Variants in DMD observed in about 807,000 individuals in gnomAD.
DMD encodes mutant dystrophin.
DMD carries 63 observed loss-of-function variants against 330.1 expected under a neutral mutation model. The observed-to-expected ratio is 0.19, with a 90% CI of 0.16 to 0.24. The LOEUF is 0.24. DMD is among the 10% of genes least tolerant of loss of function. The pLI, the probability that DMD is intolerant of heterozygous loss-of-function variation, is 1.00. For synonymous variants in DMD, 1,223 were observed against 959.8 expected (o/e 1.27, Z -5.07); for missense variants, 3,344 against 2,684.1 (o/e 1.25, Z -5.43).
intron 61 of DMD, among the ~76,000 whole-genome samples, chrX:31,331,597 G>T (rs2057127510): frequency 8.9e-6 from 1 of 111,784 alleles, no homozygotes; most frequent in Non-Finnish European, 1.9e-5. Context: ...TTATGCTCAA[G>T]GAATTTTCGA....
intron 17 of DMD, among the ~76,000 whole-genome samples, chrX:32,536,002 C>T (rs112797684): frequency 1.8e-5 from 2 of 111,266 alleles, no homozygotes; most frequent in African/African-American, 6.6e-5. Context: ...CACTGTGGCT[C>T]ATGCCTCTAA....
At chrX:32,576,863 G>A (rs1227470703) in intron 13 of DMD, among the ~76,000 whole-genome samples, 2 of 111,000 alleles carry the variant, frequency 1.8e-5, no homozygotes, top group Non-Finnish European at 3.8e-5. Flanking sequence ...GCAAGTTTAT[G>A]ATTCAGCTAA....
intron 1 of DMD, among the ~76,000 whole-genome samples, chrX:33,262,675 T>C (rs184303801): frequency 1.8e-5 from 2 of 110,852 alleles, no homozygotes; most frequent in East Asian, 5.7e-4. Context: ...GAGGTGACAC[T>C]ACAGGTGAAT....
At chrX:32,397,072 A>C (rs1394422472) in intron 30 of DMD, among the ~76,000 whole-genome samples, 1 of 111,742 alleles carries the variant, frequency 8.9e-6, no homozygotes, top group Admixed American at 9.6e-5. Context: ...CTTTTTTGAC[A>C]TTATGAGAAT....
At chrX:32,034,015 C>A (rs958989755) in intron 44 of DMD, among the ~76,000 whole-genome samples, 2 of 111,174 alleles carry the variant, frequency 1.8e-5, no homozygotes, top group Non-Finnish European at 3.8e-5. Flanking sequence ...TTTTAGACAC[C>A]AATGCATAGC....
At chrX:33,107,587 T>G (rs746662804) in intron 1 of DMD, among the ~76,000 whole-genome samples, 1 of 111,209 alleles carries the variant, frequency 9.0e-6, no homozygotes, top group Admixed American at 9.7e-5. Context: ...GTAATGATTA[T>G]TTAAAACCCC....
chrX:32,487,269 A>G (rs2042575279), intron 20 of DMD, among the ~76,000 whole-genome samples: 1 of 112,118 alleles, frequency 8.9e-6, no homozygotes. Context: ...TAATACATAT[A>G]TAATTTGAAC....
intron 51 of DMD, among the ~76,000 whole-genome samples, chrX:31,762,457 T>A (rs1227694225): frequency 9.0e-6 from 1 of 111,207 alleles, no homozygotes; most frequent in East Asian, 2.8e-4. Context: ...TAATCCCAGC[T>A]ACTCAGGAGG....
In DMD at chrX:31,129,654, A is replaced by G. The variant is rs1288780064; in HGVS notation, c.11015-2981T>C. Among the ~76,000 whole-genome samples the G allele has an allele frequency of 2.7e-5, 3 of 112,065 alleles. No individual in the cohort carries two copies. In the Admixed American group the frequency reaches 2.8e-4, roughly 11 times the overall value. On this transcript the variant is annotated intron_variant, in intron 77 of 78. Coordinates refer to ENST00000357033, the MANE Select transcript of DMD (RefSeq NM_004006.3). ...AATGAATGGGTATGGCTGTGTTCCA[A>G]TAAAGCTTTATAAAAACAGGTATTG...
At chrX:32,906,904 T>C (rs973890438) in intron 2 of DMD, among the ~76,000 whole-genome samples, 1 of 111,686 alleles carries the variant, frequency 9.0e-6, no homozygotes, top group African/African-American at 3.3e-5. Context: ...AATATTATGA[T>C]CATGAACAAT....
At chrX:32,334,653 G>T (rs143469851) in intron 41 of DMD, among the ~76,000 whole-genome samples, 2 of 110,856 alleles carry the variant, frequency 1.8e-5, no homozygotes, top group African/African-American at 6.6e-5. Flanking sequence ...ATAATGATAC[G>T]GTGATGTTCT....
At chrX:32,362,996 T>G in intron 36 of DMD, 38 bp from the exon 37 acceptor site, 1 of 1,160,107 alleles carries the variant, frequency 8.6e-7, no homozygotes, top group Non-Finnish European at 1.2e-6. Flanking sequence ...TTGAAGTTAG[T>G]AATTAATGAA....
chrX:32,551,230 AT>A (rs1356710642), intron 16 of DMD, among the ~76,000 whole-genome samples: 1 of 111,315 alleles, frequency 9.0e-6, no homozygotes, highest in Non-Finnish European at 1.9e-5. Context: ...AGATGCAAAA[AT>A]AGTCAACAGA....
At chrX:32,780,296 G>A (rs778900939) in intron 7 of DMD, among the ~76,000 whole-genome samples, 1 of 112,216 alleles carries the variant, frequency 8.9e-6, no homozygotes, top group Non-Finnish European at 1.9e-5. Context: ...ACATTCTTAT[G>A]CCCGACAGAA....
intron 37 of DMD, among the ~76,000 whole-genome samples, chrX:32,360,684 G>T (rs1002611221): frequency 1.8e-5 from 2 of 108,790 alleles, no homozygotes; most frequent in Non-Finnish European, 3.8e-5. Context: ...CTACTTGGGA[G>T]GCTGAGGCAG....
chrX:31,961,740 G>GTTTTTTTTTTTGTTTTTTTTTTTTTTTTT (rs775099231), intron 45 of DMD, among the ~76,000 whole-genome samples: 1 of 75,638 alleles, frequency 1.3e-5, no homozygotes, highest in African/African-American at 5.3e-5. Flanking sequence ...AAAGGAAGCG[G>GTTTTTTTTTTTGTTTTTTTTTTTTTTTTT]TTTTTTTTTT....
chrX:33,219,589 G>A (rs952774815), intron 1 of DMD, among the ~76,000 whole-genome samples: 1 of 109,793 alleles, frequency 9.1e-6, no homozygotes, highest in Non-Finnish European at 1.9e-5. Context: ...AGTCAAGAAA[G>A]AAAACATTTG....
intron 44 of DMD, among the ~76,000 whole-genome samples, chrX:32,174,267 C>T (rs1331399639): frequency 8.9e-6 from 1 of 112,089 alleles, no homozygotes; most frequent in Non-Finnish European, 1.9e-5. Context: ...ACTGGTTGGA[C>T]ATTATCATTA....
At chrX:32,118,680 A>C (rs1050648448) in intron 44 of DMD, among the ~76,000 whole-genome samples, 13 of 110,583 alleles carry the variant, frequency 1.2e-4, no homozygotes, top group Admixed American at 3.8e-4. Context: ...ATGCAGGATC[A>C]AATGTGAAAA....
Sources: gnomAD v4.1 joint callset for allele counts (sites outside exome capture counted in the v4.1 genomes callset) on GRCh38, gnomAD v4.1.1 for gene constraint, MANE v1.5 for transcripts, NCBI Gene and HGNC (gene_info 2026-07-23, HGNC 2026-07-21) for gene names.